The following CEP128 variants were observed in gnomAD, a reference collection of about 807,000 sequenced individuals.
CEP128 encodes centrosomal protein 128.
Under a neutral mutation model 156.7 loss-of-function variants are expected in CEP128, and 132 were observed. That is an observed-to-expected ratio of 0.84 (90% CI 0.73 to 0.97). CEP128 has a LOEUF of 0.97. Among genes scored for constraint, CEP128 ranks in the 50% least tolerant of loss-of-function variants. The pLI, the probability that CEP128 is intolerant of heterozygous loss-of-function variation, is 0.00. For missense variants in CEP128, 1,252 were observed against 1,281.9 expected (o/e 0.98, Z 0.36); for synonymous variants, 469 against 448.9 (o/e 1.04, Z -0.57).
chr14:80,486,290 G>A (rs1056204093), downstream of CEP128, among the ~76,000 whole-genome samples: 6 of 152,100 alleles, frequency 3.9e-5, no homozygotes, highest in East Asian at 3.9e-4. Context: ...TGAAATGAAC[G>A]AAATGAAGCG....
At chr14:80,837,199 T>C (rs913597930) in intron 11 of CEP128, among the ~76,000 whole-genome samples, 1 of 152,236 alleles carries the variant, frequency 6.6e-6, no homozygotes, top group African/African-American at 2.4e-5. Context: ...ATGCTTGACA[T>C]CTTTGCTTAC....
intron 18 of CEP128, among the ~76,000 whole-genome samples, chr14:80,748,059 AG>A (rs1899197629): frequency 6.6e-6 from 1 of 152,238 alleles, no homozygotes; most frequent in South Asian, 2.1e-4. Flanking sequence ...TAAACGGTAG[AG>A]AGTAAGTCAA....
intron 19 of CEP128, among the ~76,000 whole-genome samples, chr14:80,637,099 AAAG>A (rs895309732): frequency 7.4e-5 from 6 of 80,950 alleles, no homozygotes; most frequent in African/African-American, 6.4e-4. Flanking sequence ...AAAAAAAAAA[AAAG>A]AAAAGAAAAT....
intron 9 of CEP128, among the ~76,000 whole-genome samples, chr14:80,850,467 A>C (rs1299045532): frequency 6.6e-6 from 1 of 152,224 alleles, no homozygotes; most frequent in Non-Finnish European, 1.5e-5. Context: ...GACCTTTATC[A>C]ATTTATTTAA....
chr14:80,496,341 C>T (rs1255591379), downstream of CEP128: 1 of 152,504 alleles, frequency 6.6e-6, no homozygotes, highest in Non-Finnish European at 1.5e-5. Flanking sequence ...CATTCAGGTT[C>T]ATGGAAAGAG....
chr14:80,579,869 C>T (rs983070731), intron 20 of CEP128, among the ~76,000 whole-genome samples: 3 of 152,166 alleles, frequency 2.0e-5, no homozygotes, highest in African/African-American at 4.8e-5. Context: ...AACTAAAATT[C>T]GAGTGGAATC....
chr14:80,933,694 T>C (rs893788650), intron 2 of CEP128, among the ~76,000 whole-genome samples: 1 of 152,140 alleles, frequency 6.6e-6, no homozygotes, highest in East Asian at 1.9e-4. Context: ...GAGTGAACTC[T>C]GAGGGACAAA....
At chr14:80,842,913 G>C (rs1164957405) in intron 9 of CEP128, among the ~76,000 whole-genome samples, 1 of 151,772 alleles carries the variant, frequency 6.6e-6, no homozygotes, top group Admixed American at 6.6e-5. Context: ...TTAATAGAGG[G>C]TCCCCGGGGC....
At chr14:80,955,385 A>T in intron 2 of CEP128, 1 of 515,264 alleles carries the variant, frequency 1.9e-6, no homozygotes, top group Non-Finnish European at 3.5e-6. Context: ...GGGGACAGCC[A>T]GGACTGGTGT....
intron 14 of CEP128, among the ~76,000 whole-genome samples, chr14:80,787,248 C>T (rs1901457822): frequency 6.6e-6 from 1 of 152,156 alleles, no homozygotes; most frequent in African/African-American, 2.4e-5. Context: ...CATGTCCAAG[C>T]TCATTCAGGT....
intron 20 of CEP128, among the ~76,000 whole-genome samples, chr14:80,575,820 T>G (rs1381427060): frequency 6.6e-6 from 1 of 152,176 alleles, no homozygotes; most frequent in East Asian, 1.9e-4. Flanking sequence ...TGGCTTAGTA[T>G]GAAAGGAAAA....
chr14:80,641,177 A>G (rs1275715375), intron 19 of CEP128, among the ~76,000 whole-genome samples: 1 of 152,206 alleles, frequency 6.6e-6, no homozygotes, highest in Non-Finnish European at 1.5e-5. Context: ...AATCTAAACC[A>G]TTAACCATCT....
At chr14:80,639,022 G>C (rs1439681904) in intron 19 of CEP128, among the ~76,000 whole-genome samples, 1 of 152,094 alleles carries the variant, frequency 6.6e-6, no homozygotes, top group Admixed American at 6.6e-5. Flanking sequence ...TCTAATATTT[G>C]CATTATTATG....
chr14:80,724,843 T>C (rs971177392), intron 19 of CEP128, among the ~76,000 whole-genome samples: 1 of 151,584 alleles, frequency 6.6e-6, no homozygotes, highest in Non-Finnish European at 1.5e-5. Flanking sequence ...ATGCTACTTC[T>C]GACTGTATAC....
At chr14:80,513,644 T>C (rs1888359442) in intron 23 of CEP128, among the ~76,000 whole-genome samples, 1 of 152,172 alleles carries the variant, frequency 6.6e-6, no homozygotes, top group South Asian at 2.1e-4. Context: ...TATTTTTTAA[T>C]CTTGCCCAAA....
chr14:80,593,218 C>G (rs1252596467), intron 19 of CEP128, among the ~76,000 whole-genome samples: 1 of 152,068 alleles, frequency 6.6e-6, no homozygotes, highest in Non-Finnish European at 1.5e-5. Flanking sequence ...CAAATTGTCT[C>G]TGTTTGCAGA....
chr14:80,479,716 C>T (rs1887014500), intron 14 of CEP128, among the ~76,000 whole-genome samples: 1 of 152,156 alleles, frequency 6.6e-6, no homozygotes, highest in African/African-American at 2.4e-5. Context: ...ACCAATCATG[C>T]TTTCCCAACA....
At chr14:80,637,126 T>C (rs78149558) in intron 19 of CEP128, among the ~76,000 whole-genome samples, 92 of 151,710 alleles carry the variant, frequency 6.1e-4, no homozygotes, top group East Asian at 4.6e-3. Context: ...AATCTGTCCA[T>C]GTATTCCCAG....
At chr14:80,579,523 C>T (rs998044548) in intron 20 of CEP128, among the ~76,000 whole-genome samples, 2 of 152,194 alleles carry the variant, frequency 1.3e-5, no homozygotes, top group Non-Finnish European at 2.9e-5. Context: ...GAACACTTCT[C>T]TTGCTCTTTG....
Sources: allele counts gnomAD v4.1 joint callset (sites outside exome capture counted in the v4.1 genomes callset), GRCh38; gene constraint gnomAD v4.1.1; transcripts MANE v1.5; gene names NCBI Gene and HGNC (gene_info 2026-07-23, HGNC 2026-07-21).